The following PARN variants were observed in gnomAD, a reference collection of about 807,000 sequenced individuals.
The protein encoded by PARN is poly(A)-specific ribonuclease.
In PARN, 71 loss-of-function variants were observed where a neutral mutation model predicts 102.8. That is an observed-to-expected ratio of 0.69 (90% CI 0.57 to 0.84). The LOEUF (loss-of-function observed/expected upper bound fraction) is 0.84, where lower values mean the gene tolerates loss of function less well. Among genes scored for constraint, PARN ranks in the 40% least tolerant of loss-of-function variants. PARN has a pLI of 0.00. For missense variants in PARN, 782 were observed against 760.9 expected (o/e 1.03, Z -0.33); for synonymous variants, 261 against 252.9 (o/e 1.03, Z -0.30).
intron 21 of PARN, among the ~76,000 whole-genome samples, chr16:14,516,533 G>C (rs1965467232): frequency 6.6e-6 from 1 of 152,210 alleles, no homozygotes; most frequent in Non-Finnish European, 1.5e-5. Flanking sequence ...ATCACACTTT[G>C]AGAGAAGCAT....
chr16:14,585,980 C>CT (rs772896503), intron 14 of PARN, among the ~76,000 whole-genome samples: 2,656 of 127,200 alleles, frequency 0.021, 91 homozygotes, highest in African/African-American at 0.045. Flanking sequence ...CACAATGACT[C>CT]TTTTTTTTTT....
chr16:14,502,584 G>A (rs561180802), intron 21 of PARN, among the ~76,000 whole-genome samples: 2 of 152,284 alleles, frequency 1.3e-5, no homozygotes, highest in African/African-American at 4.8e-5. Flanking sequence ...GAAGTGACAA[G>A]CAAAACCAGT....
At position 14,610,719 on chromosome 16, in the gene PARN, G is replaced by C; in HGVS notation, c.479C>G (p.Ser160Cys). Residue 160 changes from serine (S) to cysteine (C), a missense_variant, in exon 7 of 24, where the codon TCC (serine) becomes TGC (cysteine). Ser to Cys is a moderately radical substitution (Grantham distance 112). Transcript: ENST00000437198. ...RSQANGAGAL[S>C]YVSPNTSKCP... ...TTTTGAAGTGTTAGGAGATACATAG[G>C]ACAGAGCTCCTGCACCATTCGCCTG... 1.2e-6 allele frequency: 2 copies of C among 1,605,068 alleles called. No individual in the cohort carries two copies. The highest frequency in any genetic ancestry group is 1.1e-5 in the South Asian group (1 of 90,914).
chr16:14,513,450 C>CT (rs1416851731), intron 21 of PARN, among the ~76,000 whole-genome samples: 9 of 152,310 alleles, frequency 5.9e-5, no homozygotes, highest in Non-Finnish European at 8.8e-5. Context: ...ATCCTGTCTT[C>CT]ATTACACATA....
At chr16:14,584,967 T>G (rs552934508) in intron 14 of PARN, among the ~76,000 whole-genome samples, 176 bp from the exon 15 acceptor site, 23 of 152,368 alleles carry the variant, frequency 1.5e-4, no homozygotes, top group East Asian at 1.2e-3. Context: ...ATTGGCCATT[T>G]TGAACCCAGC....
At chr16:14,586,878 C>G (rs1414738712) in intron 13 of PARN, among the ~76,000 whole-genome samples, 1 of 152,156 alleles carries the variant, frequency 6.6e-6, no homozygotes, top group African/African-American at 2.4e-5. Context: ...ACAGGCTTTT[C>G]AATACACATA....
intron 22 of PARN, among the ~76,000 whole-genome samples, chr16:14,462,358 C>G (rs1203964289): frequency 6.6e-6 from 1 of 151,620 alleles, no homozygotes; most frequent in Non-Finnish European, 1.5e-5. Context: ...AGGGAACAAA[C>G]AAAGACAAAA....
chr16:14,596,213 A>T (rs1251940016), intron 12 of PARN, among the ~76,000 whole-genome samples: 1 of 152,182 alleles, frequency 6.6e-6, no homozygotes, highest in East Asian at 1.9e-4. Flanking sequence ...TAGCTGAGCC[A>T]GAGAAACTAC....
At chr16:14,579,009 G>A (rs1969337719) in intron 18 of PARN, among the ~76,000 whole-genome samples, 1 of 150,906 alleles carries the variant, frequency 6.6e-6, no homozygotes, top group Non-Finnish European at 1.5e-5. Flanking sequence ...TTTTTTGAGA[G>A]GGAGTCTCAC....
At chr16:14,444,513 T>C (rs546229318) in intron 23 of PARN, among the ~76,000 whole-genome samples, 1 of 152,338 alleles carries the variant, frequency 6.6e-6, no homozygotes, top group East Asian at 1.9e-4. Flanking sequence ...AATCTATTAA[T>C]GCAGTCTATT....
chr16:14,618,213 C>T (rs956061410), intron 5 of PARN, among the ~76,000 whole-genome samples: 4 of 152,002 alleles, frequency 2.6e-5, no homozygotes, highest in African/African-American at 4.8e-5. Context: ...GTGTGCCAGG[C>T]GCGGTGGCTG....
intron 21 of PARN, among the ~76,000 whole-genome samples, chr16:14,539,803 G>T (rs1487052673): frequency 6.6e-6 from 1 of 152,172 alleles, no homozygotes; most frequent in African/African-American, 2.4e-5. Flanking sequence ...CCATATCTGT[G>T]GGTTTCCCAT....
chr16:14,472,326 TA>T (rs1962795490), intron 22 of PARN, among the ~76,000 whole-genome samples: 1 of 152,220 alleles, frequency 6.6e-6, no homozygotes, highest in Non-Finnish European at 1.5e-5. Context: ...TTGAATATTT[TA>T]AAATACTCTT....
chr16:14,568,571 G>C (rs1388640379), intron 18 of PARN, among the ~76,000 whole-genome samples: 1 of 152,036 alleles, frequency 6.6e-6, no homozygotes. Context: ...ACTCCAGCCT[G>C]AGTGACAGAG....
chr16:14,564,268 C>G (rs1596683518), intron 18 of PARN, among the ~76,000 whole-genome samples: 1 of 152,230 alleles, frequency 6.6e-6, no homozygotes, highest in African/African-American at 2.4e-5. Context: ...CAGGATACAA[C>G]ATCCCAGAAA....
intron 21 of PARN, among the ~76,000 whole-genome samples, chr16:14,528,412 G>A (rs1966125669): frequency 6.6e-6 from 1 of 152,200 alleles, no homozygotes; most frequent in African/African-American, 2.4e-5. Flanking sequence ...TTTGTCTCTT[G>A]TTTAAAAGGT....
At chr16:14,513,057 T>A (rs1965283495) in intron 21 of PARN, among the ~76,000 whole-genome samples, 1 of 152,056 alleles carries the variant, frequency 6.6e-6, no homozygotes, top group South Asian at 2.1e-4. Flanking sequence ...CCTGAGTAGC[T>A]GGGATTACAG....
chr16:14,556,571 T>C (rs1967706140), intron 18 of PARN, among the ~76,000 whole-genome samples: 1 of 152,310 alleles, frequency 6.6e-6, no homozygotes, highest in African/African-American at 2.4e-5. Flanking sequence ...TCCTCAACAG[T>C]TCCTGGCACT....
At chr16:14,557,577 A>T (rs1297525169) in intron 18 of PARN, among the ~76,000 whole-genome samples, 1 of 151,256 alleles carries the variant, frequency 6.6e-6, no homozygotes, top group Non-Finnish European at 1.5e-5. Context: ...AAAAAAAAAA[A>T]GCCAAGCAGG....
Sources: allele counts gnomAD v4.1 joint callset (sites outside exome capture counted in the v4.1 genomes callset), GRCh38; gene constraint gnomAD v4.1.1; transcripts MANE v1.5; gene names NCBI Gene and HGNC (gene_info 2026-07-23, HGNC 2026-07-21).